CADPS: variants seen among roughly 807,000 people sequenced by gnomAD.
The protein encoded by CADPS is calcium-dependent secretion activator 1.
Under a neutral mutation model 167.3 loss-of-function variants are expected in CADPS, and 57 were observed. That is an observed-to-expected ratio of 0.34 (90% CI 0.28 to 0.42). The LOEUF (loss-of-function observed/expected upper bound fraction) is 0.42, where lower values mean the gene tolerates loss of function less well. CADPS is among the 20% of genes least tolerant of loss of function. The probability of loss-of-function intolerance (pLI) is 1.00; values close to 1 mark genes in which losing one functional copy is unlikely to be tolerated. For synonymous variants in CADPS, 676 were observed against 635.3 expected, an observed-to-expected ratio of 1.06 and a Z score of -0.96; for missense variants, 1,414 against 1,738.1, an observed-to-expected ratio of 0.81 and a Z score of 3.32.
chr3:62,835,582 G>A (rs1262069911), intron 1 of CADPS, among the ~76,000 whole-genome samples: 1 of 152,088 alleles, frequency 6.6e-6, no homozygotes, highest in African/African-American at 2.4e-5. Context: ...TTGTAATCAT[G>A]AATTATGCAG....
intron 3 of CADPS, among the ~76,000 whole-genome samples, chr3:62,748,611 C>T (rs547875423): frequency 3.9e-4 from 60 of 152,132 alleles, no homozygotes; most frequent in Non-Finnish European, 7.2e-4. Context: ...ATATCGTCAT[C>T]ATCATCATCG....
At chr3:62,724,498 A>G (rs1261141124) in intron 3 of CADPS, among the ~76,000 whole-genome samples, 1 of 152,218 alleles carries the variant, frequency 6.6e-6, no homozygotes, top group East Asian at 1.9e-4. Flanking sequence ...TTACTATCCT[A>G]CTGTGAACAT....
chr3:62,731,805 C>CAAAAAAAAAA (rs1212456893), intron 3 of CADPS, among the ~76,000 whole-genome samples: 33 of 27,122 alleles, frequency 1.2e-3, no homozygotes, highest in Middle Eastern at 0.025. Flanking sequence ...TGATCATATG[C>CAAAAAAAAAA]AAAAAAAAAA....
At chr3:62,466,558 T>C (rs2059956559) in intron 24 of CADPS, 145 bp from the exon 25 acceptor site, 2 of 691,308 alleles carry the variant, frequency 2.9e-6, no homozygotes, top group South Asian at 1.5e-5. Context: ...ATTTATAAGA[T>C]CCTGACTCCA....
At chr3:62,525,844 G>A (rs1433115053) in intron 13 of CADPS, among the ~76,000 whole-genome samples, 1 of 152,100 alleles carries the variant, frequency 6.6e-6, no homozygotes, top group Non-Finnish European at 1.5e-5. Context: ...ACCATTATGT[G>A]ACATGGATTG....
chr3:62,761,378 TACAA>T (rs1367754265), intron 2 of CADPS, among the ~76,000 whole-genome samples: 16 of 151,406 alleles, frequency 1.1e-4, no homozygotes, highest in Middle Eastern at 3.4e-3. Context: ...ACCAAAACAA[TACAA>T]ACAAACAAAA....
At chr3:62,672,635 T>G (rs576492923) in intron 3 of CADPS, among the ~76,000 whole-genome samples, 1 of 152,268 alleles carries the variant, frequency 6.6e-6, no homozygotes, top group African/African-American at 2.4e-5. Flanking sequence ...ATCATTCTTT[T>G]CCCCCTGAGA....
chr3:62,635,918 GT>G (rs1390132729), intron 6 of CADPS, among the ~76,000 whole-genome samples: 2 of 151,950 alleles, frequency 1.3e-5, no homozygotes, highest in African/African-American at 2.4e-5. Context: ...TTGCTATATA[GT>G]TTTTTTCCAA....
At chr3:62,700,684 C>T (rs1162233849) in intron 3 of CADPS, among the ~76,000 whole-genome samples, 2 of 152,054 alleles carry the variant, frequency 1.3e-5, no homozygotes, top group African/African-American at 4.8e-5. Context: ...GCTTTGTCTC[C>T]CTTAATTGTC....
chr3:62,874,920 C>T lies in CADPS; in HGVS notation c.110G>A (p.Arg37His), dbSNP rs574548082. The T allele has an allele frequency of 1.6e-5, 24 of 1,463,086 alleles. No individual in the cohort carries two copies. Among genetic ancestry groups the T allele is most frequent in the Non-Finnish European group, 2.1e-5 (23 of 1,104,594 alleles). 90.6% of individuals were successfully genotyped at this position (1,463,086 alleles called of 1,614,324 possible). ...GCTGCCGGCCGAGCCCTCGCTGGTA[C>T]GGCTGGGAGACAGGCGCGCGCCGGA... is the stretch of plus-strand genomic sequence containing the variant. Reference protein sequence around the residue: ...APSGARLSPSRTSEGSAGSAG... With the variant: ...APSGARLSPSHTSEGSAGSAG... Residue 37 changes from arginine to histidine, a missense_variant, in exon 1 of 30, where the codon CGT (arginine) becomes CAT (histidine). This residue lies in a region of CADPS where 522 missense variants were observed against 559.5 expected (regional missense o/e 0.93). Transcript: ENST00000383710. This position sits in a 1 kb window ranked among gnomAD's most constrained non-coding sequence, Gnocchi z 7.1.
chr3:62,471,419 AT>A (rs1307288916), intron 24 of CADPS, among the ~76,000 whole-genome samples: 1 of 151,862 alleles, frequency 6.6e-6, no homozygotes, highest in Admixed American at 6.6e-5. Flanking sequence ...ATATGAAAGT[AT>A]TTTTTTCCCC....
intron 23 of CADPS, among the ~76,000 whole-genome samples, chr3:62,475,760 T>C (rs2061240226): frequency 6.6e-6 from 1 of 152,170 alleles, no homozygotes; most frequent in African/African-American, 2.4e-5. Flanking sequence ...AATACATCAT[T>C]TGCCGGTTTT....
Position 62,874,685 on chromosome 3 carries a change from C to T in CADPS, c.345G>A (p.Arg115=). 1 of 1,553,838 alleles carries T rather than the reference C, an allele frequency of 6.4e-7. No individual in the cohort carries two copies. The highest frequency in any genetic ancestry group is 8.7e-7 in the Non-Finnish European group (1 of 1,147,846). ...ACACATACAGCTGCAGCCTCTTCTT[C>T]CTCTCCTCCTCCTCTTTCTGCAGCC... ...LERLQKEEEE[R]KKRLQLYVFV... The change falls in exon 1 of 30, where the codon AGG becomes AGA. Residue 115 remains arginine (R), a synonymous_variant. Transcript: ENST00000383710. The surrounding 1 kb of genome is among the most constrained non-coding windows in gnomAD (Gnocchi z 7.1).
chr3:62,852,000 C>T (rs1333039645), intron 1 of CADPS, among the ~76,000 whole-genome samples: 3 of 148,438 alleles, frequency 2.0e-5, no homozygotes, highest in Non-Finnish European at 4.5e-5. Flanking sequence ...CTCTAAACTT[C>T]CCTTCTCGCT....
At chr3:62,689,473 C>T (rs1395441) in intron 3 of CADPS, among the ~76,000 whole-genome samples, 132,963 of 152,068 alleles carry the variant, frequency 0.87, 58,298 homozygotes, top group East Asian at 0.98. Flanking sequence ...GAAATACAGG[C>T]TGGGTGTTAG....
intron 2 of CADPS, among the ~76,000 whole-genome samples, chr3:62,764,843 A>G (rs1397603376): frequency 6.6e-6 from 1 of 152,260 alleles, no homozygotes; most frequent in South Asian, 2.1e-4. Flanking sequence ...GAAGGAAATC[A>G]ATGAAACAAT....
Position 62,492,390 on chromosome 3 carries a change from G to A in CADPS, c.2784C>T (p.Leu928=). Residue 928 remains leucine (L), a synonymous_variant, in exon 20 of 30, where the codon CTC becomes CTT. Coordinates refer to ENST00000383710, the MANE Select transcript of CADPS (RefSeq NM_003716.4). ...MVEHAETFLS[L]FAVDMDAALE... ...AGGCTGCATCCATGTCTACTGCAAA[G>A]AGTGACAGGAACGTCTCCGCATGCT... The A allele has an allele frequency of 1.2e-6, 2 of 1,614,074 alleles. No individual in the cohort carries two copies. Among genetic ancestry groups the A allele is most frequent in the Non-Finnish European group, 1.7e-6 (2 of 1,179,940 alleles).
chr3:62,541,290 T>G (rs745507963), intron 11 of CADPS, among the ~76,000 whole-genome samples: 1 of 152,170 alleles, frequency 6.6e-6, no homozygotes, highest in Admixed American at 6.5e-5. Flanking sequence ...GTGAGCTATA[T>G]GATTTTATAG....
chr3:62,698,197 C>T (rs2080699570), intron 3 of CADPS, among the ~76,000 whole-genome samples: 1 of 152,128 alleles, frequency 6.6e-6, no homozygotes, highest in Admixed American at 6.6e-5. Context: ...TCATAAAGCA[C>T]TTAGCATATT....
Sources: allele counts gnomAD v4.1 joint callset (sites outside exome capture counted in the v4.1 genomes callset), GRCh38; gene constraint gnomAD v4.1.1; regional missense constraint gnomAD v4.1.1; non-coding constraint Gnocchi (gnomAD v3.1); transcripts MANE v1.5; gene names NCBI Gene and HGNC (gene_info 2026-07-23, HGNC 2026-07-21).